The following TRIP12 variants were observed in gnomAD, a reference collection of about 807,000 sequenced individuals.
The protein encoded by TRIP12 is E3 ubiquitin-protein ligase TRIP12.
A neutral mutation model predicts 244.2 loss-of-function variants in TRIP12; 25 were observed. The observed-to-expected ratio is 0.10, with a 90% confidence interval of 0.07 to 0.14. TRIP12 has a LOEUF of 0.14. TRIP12 is among the 10% of genes least tolerant of loss of function. TRIP12 has a pLI of 1.00. For missense variants in TRIP12, 1,677 were observed against 2,486.4 expected, an observed-to-expected ratio of 0.67 and a Z score of 6.92; for synonymous variants, 905 against 873.1, an observed-to-expected ratio of 1.04 and a Z score of -0.64.
intron 1 of TRIP12, among the ~76,000 whole-genome samples, chr2:229,907,816 A>C (rs1263923828): frequency 1.3e-5 from 2 of 152,038 alleles, no homozygotes; most frequent in Non-Finnish European, 1.5e-5. Context: ...AAAAATAACA[A>C]ATTAATAATA....
intron 18 of TRIP12, 61 bp from the exon 19 acceptor site, chr2:229,804,288 A>G: frequency 7.2e-7 from 1 of 1,381,518 alleles, no homozygotes; most frequent in Non-Finnish European, 1.0e-6. Flanking sequence ...GAAACACAAT[A>G]AACAATATAA....
At chr2:229,822,001 G>A (rs1216938399) in intron 8 of TRIP12, among the ~76,000 whole-genome samples, 4 of 152,138 alleles carry the variant, frequency 2.6e-5, no homozygotes, top group African/African-American at 7.2e-5. Flanking sequence ...TTAGCCGGGC[G>A]CGGTGGTGTG....
chr2:229,771,468 C>G lies in TRIP12; in HGVS notation c.5808+51G>C, dbSNP rs767296059. 2.0e-6 allele frequency: 3 copies of G among 1,498,162 alleles called. No individual in the cohort carries two copies. The African/African-American group carries it at 4.2e-5, about 21-fold the overall frequency. 92.8% of individuals were successfully genotyped at this position (1,498,162 alleles called of 1,614,324 possible). ...TCTTTGACTAGGCAGCACAGAAACACTCCACTAAAATTATAGGTATGACCA... is the reference window on the plus strand; with the variant it reads ...TCTTTGACTAGGCAGCACAGAAACAGTCCACTAAAATTATAGGTATGACCA... On this transcript the variant is annotated intron_variant, in intron 39 of 41. Transcript: ENST00000675903.
intron 1 of TRIP12, among the ~76,000 whole-genome samples, chr2:229,918,354 C>CA (rs2075891734): frequency 6.6e-6 from 1 of 151,830 alleles, no homozygotes; most frequent in Non-Finnish European, 1.5e-5. Flanking sequence ...AAATAGCAAA[C>CA]AAAAAAATAA....
At chr2:229,919,270 G>C (rs2076056638) in intron 1 of TRIP12, among the ~76,000 whole-genome samples, 1 of 152,112 alleles carries the variant, frequency 6.6e-6, no homozygotes, top group African/African-American at 2.4e-5. Context: ...GCAAAAATTA[G>C]CCGGGCGTGG....
rs2053182788 is a variant in TRIP12, at chr2:229,830,926, G to A, written c.1271-87C>T. On this transcript the variant is annotated intron_variant, in intron 6 of 41. Coordinates refer to ENST00000675903, the MANE Select transcript of TRIP12 (RefSeq NM_001348323.3). ...ACCTTAGAAAAACCAAAGTTTTGCG[G>A]ACTACAATTGAATAAAGGCAATTAA... 4 of 1,130,156 alleles carry A rather than the reference G, an allele frequency of 3.5e-6. No homozygotes were observed. The South Asian group carries it at 5.3e-5, about 15-fold the overall frequency. 70.0% of individuals were successfully genotyped at this position (1,130,156 alleles called of 1,614,324 possible).
intron 8 of TRIP12, among the ~76,000 whole-genome samples, chr2:229,824,920 CATA>C (rs1445237895): frequency 2.0e-5 from 3 of 152,032 alleles, no homozygotes; most frequent in Non-Finnish European, 4.4e-5. Context: ...GTAAATATTA[CATA>C]ATTATAAAAG....
intron 1 of TRIP12, among the ~76,000 whole-genome samples, chr2:229,919,487 G>C (rs1228316053): frequency 6.6e-6 from 1 of 151,598 alleles, no homozygotes; most frequent in Non-Finnish European, 1.5e-5. Context: ...TACTTTGCCA[G>C]GTGAAAGTAC....
intron 17 of TRIP12, chr2:229,807,387 G>C (rs1280805531): frequency 6.1e-6 from 2 of 330,548 alleles, no homozygotes; most frequent in Non-Finnish European, 1.1e-5. Context: ...ATTGCTTTCT[G>C]ATAGAAGATA....
rs375021602 is a variant in TRIP12 at position 229,811,119 on chromosome 2, A to G, written c.2055+17T>C. ...TCAACAACCTCATAAAAATACTACCAAAGACTAAACACTTACCTCCTCATG... is the reference window on the plus strand; with the variant it reads ...TCAACAACCTCATAAAAATACTACCGAAGACTAAACACTTACCTCCTCATG... On this transcript the variant is annotated intron_variant, in intron 14 of 41. Coordinates refer to ENST00000675903, the MANE Select transcript of TRIP12 (RefSeq NM_001348323.3). 6.2e-7 allele frequency: 1 copy of G among 1,614,008 alleles called. No homozygotes were observed. The highest frequency in any genetic ancestry group is 1.3e-5 in the African/African-American group (1 of 75,038).
At position 229,792,026 on chromosome 2, in the gene TRIP12, G is replaced by A. The variant is rs2041663051; in HGVS notation, c.4255C>T (p.Leu1419=). The change falls in exon 29 of 42, where the codon CTG becomes TTG. Residue 1419 remains leucine (L), a synonymous_variant. Transcript: ENST00000675903. ...FLNSGNVRHR[L]QFYIGEHLLP... Reference sequence around the variant, plus strand: ...AAATGTTCTCCAATATAAAACTGCAGCCTGTGTCTTACATTTCCTGAATTT... The same window carrying A: ...AAATGTTCTCCAATATAAAACTGCAACCTGTGTCTTACATTTCCTGAATTT... The A allele has an allele frequency of 6.2e-7, 1 of 1,614,078 alleles. No homozygotes were observed. The highest frequency in any genetic ancestry group is 2.2e-5 in the East Asian group (1 of 44,868).
At chr2:229,899,761 G>A (rs2070072250) in intron 1 of TRIP12, among the ~76,000 whole-genome samples, 1 of 152,098 alleles carries the variant, frequency 6.6e-6, no homozygotes, top group African/African-American at 2.4e-5. Flanking sequence ...TCTAGAATGG[G>A]AGGCAAAAAG....
rs2060279691 is a variant in TRIP12, at chr2:229,860,423, C to A, written c.207G>T (p.Arg69Ser). The change falls in exon 3 of 42, where the codon AGG becomes AGT. Residue 69 changes from arginine (R) to serine (S), a missense_variant. Transcript: ENST00000675903. ...VQSNTTSELSRGHLSKRSCSS... is the reference protein window; with the variant it reads ...VQSNTTSELSSGHLSKRSCSS... ...AGATTTACCTTTTAGAAAGGTGTCC[C>A]CTTGACAGTTCAGAAGTAGTATTAG... 1 of 1,606,590 alleles carries A rather than the reference C, an allele frequency of 6.2e-7. No homozygotes were observed. The highest frequency in any genetic ancestry group is 1.7e-5 in the Admixed American group (1 of 59,458).
At chr2:229,850,230 A>G (rs1194887592) in intron 4 of TRIP12, among the ~76,000 whole-genome samples, 1 of 152,258 alleles carries the variant, frequency 6.6e-6, no homozygotes, top group Non-Finnish European at 1.5e-5. Flanking sequence ...CCTTGTTAAC[A>G]AAGAAGTCAA....
chr2:229,827,971 A>T (rs1323415125), intron 8 of TRIP12, among the ~76,000 whole-genome samples: 1 of 152,210 alleles, frequency 6.6e-6, no homozygotes, highest in Non-Finnish European at 1.5e-5. Context: ...AGTATGGTTT[A>T]AAAATCTGTA....
At chr2:229,888,474 G>A (rs937093908) in intron 1 of TRIP12, among the ~76,000 whole-genome samples, 1 of 152,110 alleles carries the variant, frequency 6.6e-6, no homozygotes, top group Non-Finnish European at 1.5e-5. Context: ...TCCAGTCAAG[G>A]AAAATCAAGA....
At chr2:229,830,464 T>C (rs754566406) in intron 7 of TRIP12, among the ~76,000 whole-genome samples, 4 of 152,158 alleles carry the variant, frequency 2.6e-5, no homozygotes, top group Non-Finnish European at 4.4e-5. Context: ...TTTTTCAAGA[T>C]TTTTAACTTA....
chr2:229,799,786 A>G (rs891283275), intron 21 of TRIP12, among the ~76,000 whole-genome samples: 1 of 151,622 alleles, frequency 6.6e-6, no homozygotes, highest in Admixed American at 6.5e-5. Context: ...AAAAAAAAAA[A>G]TACTGTCATA....
At chr2:229,828,858 G>C (rs976050761) in intron 8 of TRIP12, among the ~76,000 whole-genome samples, 1 of 152,114 alleles carries the variant, frequency 6.6e-6, no homozygotes, top group African/African-American at 2.4e-5. Context: ...CTAGCAAACT[G>C]TTTAATATTT....
Sources: allele counts gnomAD v4.1 joint callset (sites outside exome capture counted in the v4.1 genomes callset), GRCh38; gene constraint gnomAD v4.1.1; transcripts MANE v1.5; gene names NCBI Gene and HGNC (gene_info 2026-07-23, HGNC 2026-07-21).